The following ROBO2 variants were observed in gnomAD, a reference collection of about 807,000 sequenced individuals.
ROBO2 encodes the protein roundabout guidance receptor 2.
ROBO2 carries 53 observed loss-of-function variants against 160.8 expected under a neutral mutation model. The observed-to-expected ratio is 0.33, with a 90% CI of 0.26 to 0.41. The LOEUF (loss-of-function observed/expected upper bound fraction) is 0.41. Among genes scored for constraint, ROBO2 ranks in the 10% least tolerant of loss-of-function variants. The pLI is 1.00. For synonymous variants in ROBO2, 664 were observed against 611.7 expected, an observed-to-expected ratio of 1.09 and a Z score of -1.26; for missense variants, 1,577 against 1,722.4, an observed-to-expected ratio of 0.92 and a Z score of 1.49.
intron 24 of ROBO2, among the ~76,000 whole-genome samples, chr3:77,639,665 C>A (rs1373546660): frequency 1.3e-5 from 2 of 152,138 alleles, no homozygotes; most frequent in African/African-American, 4.8e-5. Context: ...GTCAGGCAAG[C>A]AAACAAGGGC....
At chr3:75,917,359 A>G (rs1434436487) in intron 1 of ROBO2, among the ~76,000 whole-genome samples, 1 of 152,192 alleles carries the variant, frequency 6.6e-6, no homozygotes, top group Non-Finnish European at 1.5e-5. Context: ...CCTGCAAAGG[A>G]CATGAACTCA....
rs774060984 is a variant in ROBO2, at chr3:77,192,025, G to T, written c.388+93685G>T. Among the ~76,000 whole-genome samples the T allele has an allele frequency of 5.3e-5, 8 of 152,232 alleles. No individual in the cohort carries two copies. The East Asian group carries it at 1.5e-3, about 29-fold the overall frequency. ...GGGGAAGCAATTGTGGGAATGAGTAGTAATGTCTAAACAGGATGGCAAACT... is the reference window on the plus strand; with the variant it reads ...GGGGAAGCAATTGTGGGAATGAGTATTAATGTCTAAACAGGATGGCAAACT... On this transcript the variant is annotated intron_variant, in intron 2 of 25. Coordinates refer to ENST00000461745, the Ensembl canonical transcript of ROBO2.
chr3:77,519,670 A>G (rs1282130300), intron 5 of ROBO2, among the ~76,000 whole-genome samples: 3 of 151,194 alleles, frequency 2.0e-5, no homozygotes, highest in Non-Finnish European at 4.4e-5. Context: ...TCTTTATTCA[A>G]TCCACTGTTG....
intron 1 of ROBO2, among the ~76,000 whole-genome samples, chr3:77,079,525 C>CT (rs370896623): frequency 1.2e-4 from 18 of 152,268 alleles, no homozygotes; most frequent in African/African-American, 4.3e-4. Flanking sequence ...CCCCACAAAA[C>CT]TTTTAAGTAT....
chr3:76,060,492 A>C (rs2068036382), intron 2 of ROBO2, among the ~76,000 whole-genome samples: 1 of 152,206 alleles, frequency 6.6e-6, no homozygotes, highest in Admixed American at 6.5e-5. Context: ...CAGCACAGGA[A>C]ATTTTGGCTC....
intron 2 of ROBO2, among the ~76,000 whole-genome samples, chr3:76,024,937 G>GTA (rs111727329): frequency 0.032 from 4,722 of 147,714 alleles, 244 homozygotes; most frequent in African/African-American, 0.11. Context: ...GTGTGTGTGC[G>GTA]TATATATATA....
chr3:77,461,399 G>T (rs1303083067), intron 2 of ROBO2, among the ~76,000 whole-genome samples: 3 of 152,008 alleles, frequency 2.0e-5, no homozygotes, highest in Non-Finnish European at 2.9e-5. Context: ...ATTGAGAAAA[G>T]TTCACCAAGA....
At chr3:77,399,627 A>G (rs2075611491) in intron 2 of ROBO2, among the ~76,000 whole-genome samples, 1 of 152,070 alleles carries the variant, frequency 6.6e-6, no homozygotes, top group African/African-American at 2.4e-5. Context: ...CTAGAAGTAA[A>G]TTGATTTAAT....
chr3:76,801,811 T>A (rs1303189023), intron 2 of ROBO2, among the ~76,000 whole-genome samples: 1 of 152,194 alleles, frequency 6.6e-6, no homozygotes, highest in Non-Finnish European at 1.5e-5. Context: ...CTAATGTTAA[T>A]CATTTTTAAC....
intron 2 of ROBO2, among the ~76,000 whole-genome samples, chr3:76,643,359 T>C (rs2090798720): frequency 6.6e-6 from 1 of 152,164 alleles, no homozygotes. Context: ...ATGATTGAGA[T>C]TTAAGTTAAA....
At chr3:75,962,433 A>G (rs17028584) in intron 2 of ROBO2, among the ~76,000 whole-genome samples, 1 of 151,840 alleles carries the variant, frequency 6.6e-6, no homozygotes, top group African/African-American at 2.4e-5. Context: ...GCTTGGTTAG[A>G]TATAACGTGT....
At chr3:76,339,509 C>G (rs1376344561) in intron 2 of ROBO2, among the ~76,000 whole-genome samples, 1 of 151,978 alleles carries the variant, frequency 6.6e-6, no homozygotes, top group Non-Finnish European at 1.5e-5. Context: ...AAAAGATTGA[C>G]CTGGGAGTTT....
chr3:77,331,299 C>G (rs1047602699), intron 2 of ROBO2, among the ~76,000 whole-genome samples: 2 of 152,162 alleles, frequency 1.3e-5, no homozygotes, highest in Admixed American at 6.5e-5. Context: ...ATCTTAGGAA[C>G]CAGGCAATAT....
At chr3:76,986,775 C>T (rs917725742) in intron 2 of ROBO2, among the ~76,000 whole-genome samples, 2 of 152,042 alleles carry the variant, frequency 1.3e-5, no homozygotes, top group African/African-American at 4.8e-5. Flanking sequence ...ATGGAACTGA[C>T]TATGCTATTA....
intron 2 of ROBO2, among the ~76,000 whole-genome samples, chr3:76,472,104 CGTGT>C (rs770855970): frequency 0.044 from 6,037 of 138,220 alleles, 234 homozygotes; most frequent in African/African-American, 0.11. Context: ...TGTGTGTGCG[CGTGT>C]GCGTGCGCAT....
At chr3:77,480,385 A>G (rs735191) in intron 3 of ROBO2, among the ~76,000 whole-genome samples, 78,188 of 151,590 alleles carry the variant, frequency 0.52, 20,581 homozygotes, top group Admixed American at 0.63. Flanking sequence ...CTTAGCAAAT[A>G]CATATTTTAA....
intron 2 of ROBO2, among the ~76,000 whole-genome samples, chr3:76,808,877 A>C (rs2064948095): frequency 6.6e-6 from 1 of 152,064 alleles, no homozygotes; most frequent in Non-Finnish European, 1.5e-5. Flanking sequence ...GTAGGAAAAT[A>C]AATATGGAAA....
intron 2 of ROBO2, among the ~76,000 whole-genome samples, chr3:76,400,982 T>C (rs1385124523): frequency 1.3e-5 from 2 of 151,608 alleles, no homozygotes; most frequent in Non-Finnish European, 3.0e-5. Flanking sequence ...CAAAAATATC[T>C]CTGGCTCTCT....
At chr3:76,909,805 T>G (rs531454640) in intron 2 of ROBO2, among the ~76,000 whole-genome samples, 3 of 152,176 alleles carry the variant, frequency 2.0e-5, no homozygotes, top group Non-Finnish European at 2.9e-5. Flanking sequence ...TTCAAGAGAC[T>G]AGCAGTCATG....
Sources: gnomAD v4.1 joint callset for allele counts (sites outside exome capture counted in the v4.1 genomes callset) on GRCh38, gnomAD v4.1.1 for gene constraint, MANE v1.5 for transcripts, NCBI Gene and HGNC (gene_info 2026-07-23, HGNC 2026-07-21) for gene names.